The following PXK variants were observed in gnomAD, a reference collection of about 807,000 sequenced individuals.
The protein encoded by PXK is PX domain containing serine/threonine kinase like, also known as PX domain-containing protein kinase-like protein.
PXK carries 35 observed loss-of-function variants against 84.7 expected under a neutral mutation model. That is an observed-to-expected ratio of 0.41 (90% CI 0.32 to 0.55). The LOEUF (loss-of-function observed/expected upper bound fraction) is 0.55, where lower values mean the gene tolerates loss of function less well. Among genes scored for constraint, PXK ranks in the 20% least tolerant of loss-of-function variants. The pLI is 0.21. For synonymous variants in PXK, 253 were observed against 260.8 expected (o/e 0.97, Z 0.29); for missense variants, 634 against 699.7 (o/e 0.91, Z 1.06).
intron 1 of PXK, among the ~76,000 whole-genome samples, chr3:58,340,001 A>G (rs1280767242): frequency 6.6e-6 from 1 of 151,626 alleles, no homozygotes; most frequent in African/African-American, 2.4e-5. Context: ...TATTTTTAGT[A>G]GAGACGGGGT....
At chr3:58,368,100 G>T (rs1021465149) in intron 2 of PXK, among the ~76,000 whole-genome samples, 4 of 152,200 alleles carry the variant, frequency 2.6e-5, no homozygotes, top group African/African-American at 9.7e-5. Flanking sequence ...GCCTCCCAAA[G>T]TGCTGGGATT....
At chr3:58,382,988 A>G (rs184695848) in intron 4 of PXK, among the ~76,000 whole-genome samples, 160 of 152,360 alleles carry the variant, frequency 1.1e-3, no homozygotes, top group Non-Finnish European at 1.7e-3. Context: ...CTGACAGAAC[A>G]GAGAGTAAGT....
At chr3:58,367,792 C>T (rs193170456) in intron 2 of PXK, among the ~76,000 whole-genome samples, 1 of 152,136 alleles carries the variant, frequency 6.6e-6, no homozygotes, top group Non-Finnish European at 1.5e-5. Flanking sequence ...AAGTGATCCT[C>T]CCACTTCAGC....
chr3:58,372,573 C>T (rs538626825), intron 3 of PXK, among the ~76,000 whole-genome samples: 2 of 151,466 alleles, frequency 1.3e-5, no homozygotes, highest in South Asian at 2.1e-4. Context: ...CTGCCTGCCT[C>T]GGCCTCCCAA....
At chr3:58,406,190 C>G (rs1232750004) in intron 13 of PXK, among the ~76,000 whole-genome samples, 1 of 152,092 alleles carries the variant, frequency 6.6e-6, no homozygotes, top group East Asian at 1.9e-4. Context: ...TGGTCTCGAC[C>G]TCAGGTGAAC....
In PXK at chr3:58,412,831, T is replaced by A; in HGVS notation, c.1466-70T>A. Reference sequence around the variant, plus strand: ...ATGTAGATTCTCAGACAGCAGTGGGTCCCAGCCTGGGCCAAATTCCAAATG... The same window carrying A: ...ATGTAGATTCTCAGACAGCAGTGGGACCCAGCCTGGGCCAAATTCCAAATG... On this transcript the variant is annotated intron_variant, in intron 16 of 17. Transcript: ENST00000356151. The surrounding 1 kb of genome is among the most constrained non-coding windows in gnomAD (Gnocchi z 6.2). 1 of 1,509,432 alleles carries A rather than the reference T, an allele frequency of 6.6e-7. No homozygotes were observed. Among genetic ancestry groups the A allele is most frequent in the Non-Finnish European group, 9.2e-7 (1 of 1,084,994 alleles). The allele number at this position is 1,509,432 out of a possible 1,614,324, so 93.5% of individuals were successfully genotyped here. A position where few individuals can be genotyped will look rare whatever the true frequency, so the allele number is the denominator to read the frequency against.
chr3:58,397,321 G>A lies in PXK; in HGVS notation c.984+121G>A, dbSNP rs11710058. The A allele has an allele frequency of 0.084, 102,695 of 1,227,110 alleles. 4,887 individuals are homozygous for A. The highest frequency in any genetic ancestry group is 0.12 in the Middle Eastern group (434 of 3,624). The allele number at this position is 1,227,110 out of a possible 1,614,324, so 76.0% of individuals were successfully genotyped here. On this transcript the variant is annotated intron_variant, in intron 10 of 17. Transcript: ENST00000356151. This position sits in a 1 kb window ranked among gnomAD's most constrained non-coding sequence, Gnocchi z 4.7. The stretch of plus-strand genomic sequence containing the variant: ...GGTATAGTTGGGACAGGCCTTGCCC[G>A]TCAGCCCTTGCAGCGTTGCTGTATC...
intron 7 of PXK, among the ~76,000 whole-genome samples, chr3:58,392,166 T>C (rs1227585039): frequency 6.7e-6 from 1 of 150,268 alleles, no homozygotes; most frequent in African/African-American, 2.4e-5. Context: ...TGAAAGATAC[T>C]CTTTCCAGCC....
intron 13 of PXK, among the ~76,000 whole-genome samples, chr3:58,408,431 A>G (rs2059698357): frequency 6.6e-6 from 1 of 152,220 alleles, no homozygotes; most frequent in Non-Finnish European, 1.5e-5. Context: ...TTCATTGCTA[A>G]AAAATGCTAG....
intron 1 of PXK, among the ~76,000 whole-genome samples, chr3:58,359,914 G>A (rs2098152186): frequency 6.6e-6 from 1 of 152,212 alleles, no homozygotes; most frequent in South Asian, 2.1e-4. Context: ...TTGGGAGGCT[G>A]AGACAGAAGA....
rs1340746347 is a variant in PXK, at chr3:58,400,415, C to T, written c.1181+1038C>T. 6.6e-6 allele frequency among the ~76,000 whole-genome samples: 1 copy of T among 152,058 alleles called. No homozygotes were observed. The highest frequency in any genetic ancestry group is 2.4e-5 in the African/African-American group (1 of 41,392). On this transcript the variant is annotated intron_variant, in intron 12 of 17. Coordinates refer to ENST00000356151, the MANE Select transcript of PXK (RefSeq NM_017771.5). This position sits in a 1 kb window ranked among gnomAD's most constrained non-coding sequence, Gnocchi z 4.0. ...GGGGACAGCTTGAAGGGCATGTAGC[C>T]AGAGTTCAGAGAAGGTAGAGATAAC...
At chr3:58,382,438 A>G (rs909982217) in intron 3 of PXK, 76 bp from the exon 4 acceptor site, 1 of 1,264,822 alleles carries the variant, frequency 7.9e-7, no homozygotes, top group Non-Finnish European at 1.0e-6. Context: ...TTAATGAAAT[A>G]TGATAGGTCA....
At chr3:58,373,179 G>A (rs1027237517) in intron 3 of PXK, among the ~76,000 whole-genome samples, 5 of 150,406 alleles carry the variant, frequency 3.3e-5, no homozygotes, top group Middle Eastern at 3.4e-3. Flanking sequence ...CCAGGTTCAC[G>A]CCATTCTCCT....
rs2057942106 is a variant in PXK at position 58,397,774 on chromosome 3, ACTCATCCC to A, written c.1102+55_1102+62del. ...CTGGGCCCTAGTAGTGTGCAGAGCC[ACTCATCCC>A]CTTTCCAGAGTCCAGGAAAGACCCA... On this transcript the variant is annotated intron_variant, in intron 11 of 17. Transcript: ENST00000356151. The surrounding 1 kb of genome is among the most constrained non-coding windows in gnomAD (Gnocchi z 4.7). 2.1e-6 allele frequency: 3 copies of A among 1,410,444 alleles called. No individual in the cohort carries two copies. Among genetic ancestry groups the A allele is most frequent in the Admixed American group, 3.4e-5 (2 of 58,842 alleles). 87.4% of individuals were successfully genotyped at this position (1,410,444 alleles called of 1,614,324 possible).
At chr3:58,367,487 C>T (rs187864649) in intron 2 of PXK, among the ~76,000 whole-genome samples, 10 of 152,108 alleles carry the variant, frequency 6.6e-5, no homozygotes, top group Non-Finnish European at 8.8e-5. Flanking sequence ...CCTCGTGATC[C>T]GCCTGCCTCG....
chr3:58,413,063 A>G, intron 17 of PXK, 100 bp downstream of exon 17: 1 of 1,277,100 alleles, frequency 7.8e-7, no homozygotes, highest in Non-Finnish European at 1.1e-6. Flanking sequence ...CAGGGGTTAG[A>G]TAGCAGCAGC....
chr3:58,399,519 A>C lies in PXK; in HGVS notation c.1181+142A>C. On this transcript the variant is annotated intron_variant, in intron 12 of 17. Coordinates refer to ENST00000356151, the MANE Select transcript of PXK (RefSeq NM_017771.5). The surrounding 1 kb of genome is among the most constrained non-coding windows in gnomAD (Gnocchi z 4.3). ...GGCCTGCTTGCTGATGGGCACTTGC[A>C]GCATGATATCCTCACCCTTTGTTTG... 1.3e-6 allele frequency: 1 copy of C among 756,226 alleles called. No homozygotes were observed. Among genetic ancestry groups the C allele is most frequent in the East Asian group, 2.7e-5 (1 of 37,248 alleles). 46.8% of individuals were successfully genotyped at this position (756,226 alleles called of 1,614,324 possible).
At chr3:58,373,732 T>G (rs1037436554) in intron 3 of PXK, among the ~76,000 whole-genome samples, 1 of 152,152 alleles carries the variant, frequency 6.6e-6, no homozygotes, top group Non-Finnish European at 1.5e-5. Context: ...TGCCTGGAAG[T>G]TGCTGTAAGC....
rs2098646548 is a variant in PXK, at chr3:58,392,990, A to T, written c.615+1143A>T. Among the ~76,000 whole-genome samples, 8 of 152,084 alleles carry T rather than the reference A, an allele frequency of 5.3e-5. No homozygotes were observed. The South Asian group carries it at 1.7e-3, about 32-fold the overall frequency. On this transcript the variant is annotated intron_variant, in intron 7 of 17. Coordinates refer to ENST00000356151, the MANE Select transcript of PXK (RefSeq NM_017771.5). ...TTTCTTTTAATAGAAGTGCTTCTTT[A>T]AAAAAAGAAGCACATAAAAATGGTG... is the stretch of plus-strand genomic sequence containing the variant.
Sources: allele counts gnomAD v4.1 joint callset (sites outside exome capture counted in the v4.1 genomes callset), GRCh38; gene constraint gnomAD v4.1.1; non-coding constraint Gnocchi (gnomAD v3.1); transcripts MANE v1.5; gene names NCBI Gene and HGNC (gene_info 2026-07-23, HGNC 2026-07-21).